The following HTR1F variants were observed in gnomAD, a reference collection of about 807,000 sequenced individuals.
HTR1F encodes the protein 5-hydroxytryptamine (serotonin) receptor 1F, G protein-coupled.
In HTR1F, 17 loss-of-function variants were observed where a neutral mutation model predicts 24.0. That is an observed-to-expected ratio of 0.71 (90% CI 0.48 to 1.06). The LOEUF (loss-of-function observed/expected upper bound fraction) is 1.06. Among genes scored for constraint, HTR1F ranks in the 50% least tolerant of loss-of-function variants. HTR1F has a pLI of 0.00. For synonymous variants in HTR1F, 186 were observed against 156.8 expected, an observed-to-expected ratio of 1.19 and a Z score of -1.39; for missense variants, 391 against 427.8, an observed-to-expected ratio of 0.91 and a Z score of 0.76.
At chr3:87,918,296 C>CT (rs1192653139) in intron 2 of HTR1F, among the ~76,000 whole-genome samples, 9 of 152,016 alleles carry the variant, frequency 5.9e-5, no homozygotes, top group Non-Finnish European at 1.0e-4. Flanking sequence ...AGCATTCCCT[C>CT]TGAGAACTGG....
chr3:87,847,404 T>A (rs1242724268), intron 2 of HTR1F, among the ~76,000 whole-genome samples: 1 of 151,908 alleles, frequency 6.6e-6, no homozygotes, highest in Non-Finnish European at 1.5e-5. Context: ...TTTTCTATTG[T>A]ATTGATAGAC....
intron 2 of HTR1F, among the ~76,000 whole-genome samples, chr3:87,946,463 A>T (rs1016410963): frequency 3.3e-5 from 5 of 152,098 alleles, no homozygotes; most frequent in Non-Finnish European, 7.3e-5. Flanking sequence ...ATAGGCAAAA[A>T]TCATTTATTT....
intron 2 of HTR1F, among the ~76,000 whole-genome samples, chr3:87,895,234 T>A (rs1202839937): frequency 6.6e-6 from 1 of 152,152 alleles, no homozygotes; most frequent in Non-Finnish European, 1.5e-5. Context: ...GAAAACTAGA[T>A]GAAATAATAT....
chr3:87,859,332 G>A (rs961313667), intron 2 of HTR1F, among the ~76,000 whole-genome samples: 2 of 152,166 alleles, frequency 1.3e-5, no homozygotes, highest in Non-Finnish European at 2.9e-5. Flanking sequence ...CTACTAAATT[G>A]TCCTGACTCA....
chr3:87,916,266 A>G (rs1236471989), intron 2 of HTR1F, among the ~76,000 whole-genome samples: 1 of 148,774 alleles, frequency 6.7e-6, no homozygotes, highest in Non-Finnish European at 1.5e-5. Context: ...AGCATAAATC[A>G]CACAGGACCT....
intron 2 of HTR1F, among the ~76,000 whole-genome samples, chr3:87,967,993 G>A (rs1233114970): frequency 6.6e-6 from 1 of 152,182 alleles, no homozygotes; most frequent in East Asian, 1.9e-4. Flanking sequence ...GGAACTTCCT[G>A]TAGACTTGTT....
rs1350606847 is a variant in HTR1F at position 87,990,741 on chromosome 3, A to G, written c.-9A>G. The G allele has an allele frequency of 1.9e-6, 3 of 1,600,848 alleles. No individual in the cohort carries two copies. Among genetic ancestry groups the G allele is most frequent in the Admixed American group, 3.4e-5 (2 of 59,400 alleles). On this transcript the variant is annotated 5_prime_UTR_variant, in exon 3 of 3. Transcript: ENST00000319595. ...TTTTCAGCTATATTAATCTTTTAAA[A>G]CAAAGAAAATGGATTTCTTAAATTC...
intron 2 of HTR1F, among the ~76,000 whole-genome samples, chr3:87,907,782 A>T (rs1453259680): frequency 1.3e-5 from 2 of 152,194 alleles, no homozygotes; most frequent in Admixed American, 1.3e-4. Context: ...TAGGTAAGTA[A>T]TAACATGGTT....
intron 2 of HTR1F, among the ~76,000 whole-genome samples, chr3:87,829,695 C>A (rs2919245): frequency 0.14 from 22,040 of 152,206 alleles, 4,971 homozygotes; most frequent in African/African-American, 0.49. Flanking sequence ...GCCACTCATG[C>A]AAAACACACT....
intron 2 of HTR1F, among the ~76,000 whole-genome samples, chr3:87,970,330 C>T (rs1705259266): frequency 6.6e-6 from 1 of 152,092 alleles, no homozygotes; most frequent in African/African-American, 2.4e-5. Context: ...AGTTTCATTC[C>T]CAAAGTTTCT....
intron 2 of HTR1F, among the ~76,000 whole-genome samples, chr3:87,943,340 C>T (rs6807663): frequency 0.18 from 26,667 of 151,754 alleles, 2,293 homozygotes; most frequent in African/African-American, 0.26. Flanking sequence ...AAGGATTGTC[C>T]TAACCCTTGT....
chr3:87,880,265 A>G (rs1705761149), intron 2 of HTR1F, among the ~76,000 whole-genome samples: 1 of 152,178 alleles, frequency 6.6e-6, no homozygotes, highest in African/African-American at 2.4e-5. Context: ...TTTCAGTTGT[A>G]TATGTCTTTT....
At chr3:87,937,400 C>T (rs1704451392) in intron 2 of HTR1F, among the ~76,000 whole-genome samples, 1 of 152,164 alleles carries the variant, frequency 6.6e-6, no homozygotes. Flanking sequence ...GCAGAAAAGG[C>T]TTTTGATAAA....
chr3:87,860,599 C>G (rs1338666260), intron 2 of HTR1F, among the ~76,000 whole-genome samples: 1 of 152,122 alleles, frequency 6.6e-6, no homozygotes, highest in African/African-American at 2.4e-5. Flanking sequence ...ATTTTTCCCT[C>G]TCGTCATCAG....
chr3:87,975,144 A>C (rs903027473), intron 2 of HTR1F, among the ~76,000 whole-genome samples: 4 of 152,164 alleles, frequency 2.6e-5, no homozygotes, highest in Non-Finnish European at 5.9e-5. Context: ...GGAGTAACCA[A>C]AGTCAACGAA....
chr3:87,870,699 G>T (rs1163372957), intron 2 of HTR1F, among the ~76,000 whole-genome samples: 1 of 152,016 alleles, frequency 6.6e-6, no homozygotes, highest in South Asian at 2.1e-4. Context: ...ATGCCTAGGG[G>T]TCACTAAGAA....
At chr3:87,987,561 A>G (rs1443547770) in intron 2 of HTR1F, among the ~76,000 whole-genome samples, 1 of 149,690 alleles carries the variant, frequency 6.7e-6, no homozygotes, top group East Asian at 1.9e-4. Context: ...GGGAGTTAAA[A>G]GACCCAGAAC....
chr3:87,858,497 G>T (rs1345764669), intron 2 of HTR1F, among the ~76,000 whole-genome samples: 1 of 152,086 alleles, frequency 6.6e-6, no homozygotes, highest in African/African-American at 2.4e-5. Context: ...ACTTTTTATA[G>T]ATTCATCCTA....
chr3:87,908,663 A>T (rs1471364493), intron 2 of HTR1F, among the ~76,000 whole-genome samples: 1 of 152,016 alleles, frequency 6.6e-6, no homozygotes, highest in Non-Finnish European at 1.5e-5. Flanking sequence ...CTACATTCTA[A>T]TTTCAATAGG....
Sources: allele counts gnomAD v4.1 joint callset (sites outside exome capture counted in the v4.1 genomes callset), GRCh38; gene constraint gnomAD v4.1.1; transcripts MANE v1.5; gene names NCBI Gene and HGNC (gene_info 2026-07-23, HGNC 2026-07-21).